ATP10A: variants seen among roughly 807,000 people sequenced by gnomAD.
ATP10A encodes the protein ATPase phospholipid transporting 10A (putative), also known as phospholipid-transporting ATPase VA.
In ATP10A, 111 loss-of-function variants were observed where a neutral mutation model predicts 147.8. That is an observed-to-expected ratio of 0.75 (90% CI 0.64 to 0.88). The LOEUF (loss-of-function observed/expected upper bound fraction) is 0.88. Ranked by LOEUF, ATP10A falls within the 40% of genes least tolerant of loss-of-function variation. The pLI is 0.00. For missense variants in ATP10A, 1,927 were observed against 1,959.0 expected (o/e 0.98, Z 0.31); for synonymous variants, 875 against 841.6 (o/e 1.04, Z -0.69).
At chr15:25,844,927 A>C (rs551918127) in intron 1 of ATP10A, among the ~76,000 whole-genome samples, 1 of 152,312 alleles carries the variant, frequency 6.6e-6, no homozygotes, top group African/African-American at 2.4e-5. Context: ...ATCCCCAGTC[A>C]CTGTGTGCTT....
At chr15:25,810,885 G>A (rs1024553589) in intron 1 of ATP10A, among the ~76,000 whole-genome samples, 4 of 152,118 alleles carry the variant, frequency 2.6e-5, no homozygotes, top group Admixed American at 1.3e-4. Flanking sequence ...GAGGGCAGCC[G>A]AGATCCTCAG....
intron 1 of ATP10A, among the ~76,000 whole-genome samples, chr15:25,809,597 C>G (rs535553318): frequency 3.4e-4 from 51 of 152,154 alleles, no homozygotes; most frequent in African/African-American, 1.2e-3. Context: ...TGCTTTAAAC[C>G]CTTCGTTTTT....
At position 25,862,879 on chromosome 15, in the gene ATP10A, G is replaced by C; in HGVS notation, c.218C>G (p.Ser73Cys). The C allele has an allele frequency of 6.2e-7, 1 of 1,612,104 alleles. No homozygotes were observed. The highest frequency in any genetic ancestry group is 8.5e-7 in the Non-Finnish European group (1 of 1,179,304). Residue 73 changes from serine to cysteine, a missense_variant, in exon 1 of 21, where the codon TCC becomes TGC. Ser to Cys is a moderately radical substitution (Grantham distance 112). Transcript: ENST00000555815. ...RLKTTKYTLL[S>C]FLPKNLFEQF... ...CTCGAACAGGTTCTTGGGCAGGAAGGACAGCAGCGTGTACTTGGTAGTCTT... is the reference window on the plus strand; with the variant it reads ...CTCGAACAGGTTCTTGGGCAGGAAGCACAGCAGCGTGTACTTGGTAGTCTT...
Position 25,679,794 on chromosome 15 carries a change from G to T in ATP10A, c.4047C>A (p.Pro1349=). The T allele has an allele frequency of 6.2e-7, 1 of 1,612,694 alleles. No homozygotes were observed. The highest frequency in any genetic ancestry group is 8.5e-7 in the Non-Finnish European group (1 of 1,179,796). The change falls in exon 21 of 21, where the codon CCC becomes CCA. Residue 1349 remains proline, a synonymous_variant. Transcript: ENST00000555815. ...GTGTGTGCCAAGAAGGCTGGGACAGGGGCACAGAGGTCTTGACTGTCCTCC... is the reference window on the plus strand; with the variant it reads ...GTGTGTGCCAAGAAGGCTGGGACAGTGGCACAGAGGTCTTGACTGTCCTCC... ...SSGRTVKTSV[P]LSQPSWHTQQ...
intron 15 of ATP10A, among the ~76,000 whole-genome samples, 161 bp downstream of exon 15, chr15:25,691,554 C>T (rs1388839674): frequency 6.6e-6 from 1 of 152,224 alleles, no homozygotes; most frequent in Non-Finnish European, 1.5e-5. Flanking sequence ...TTACCTTCCA[C>T]TAGTGGCTTA....
chr15:25,788,102 C>T (rs1398764160), intron 1 of ATP10A, among the ~76,000 whole-genome samples: 1 of 152,214 alleles, frequency 6.6e-6, no homozygotes, highest in African/African-American at 2.4e-5. Flanking sequence ...TGAGGGGCCC[C>T]AGCCTGGCCA....
intron 1 of ATP10A, among the ~76,000 whole-genome samples, chr15:25,848,184 A>G (rs1269515380): frequency 6.6e-6 from 1 of 152,110 alleles, no homozygotes; most frequent in African/African-American, 2.4e-5. Flanking sequence ...AAAAATAAAC[A>G]TGGTATCTGT....
chr15:25,781,177 CCA>C lies in ATP10A; in HGVS notation c.494_495del (p.Val165GlyfsTer23). ...YVNRFWKEIH[V>X]GDFVRLRCNE... Reference sequence around the variant, plus strand: ...TTGCAGCGAAGACGCACAAAGTCTCCCACGTGGATTTCTTTCCAGAATCGGTT... The same window carrying C: ...TTGCAGCGAAGACGCACAAAGTCTCCCGTGGATTTCTTTCCAGAATCGGTT... On this transcript the variant is annotated frameshift_variant, in exon 2 of 21. Coordinates refer to ENST00000555815, the MANE Select transcript of ATP10A (RefSeq NM_024490.4). LOFTEE classifies it high-confidence loss of function. 1 of 1,614,166 alleles carries C rather than the reference CCA, an allele frequency of 6.2e-7. No homozygotes were observed. The highest frequency in any genetic ancestry group is 8.5e-7 in the Non-Finnish European group (1 of 1,180,034).
rs773003929 is a variant in ATP10A at position 25,713,711 on chromosome 15, G to A, written c.2307C>T (p.Asp769=). The change falls in exon 10 of 21, where the codon GAC becomes GAT. Residue 769 remains aspartate (D), a synonymous_variant. Coordinates refer to ENST00000555815, the MANE Select transcript of ATP10A (RefSeq NM_024490.4). ...DEINVYTKGA[D]SVVMDLLQPC... Reference sequence around the variant, plus strand: ...GCTGCAGGAGATCCATGACCACTGAGTCGGCCCCCTTGGTGTAGACGTTGA... The same window carrying A: ...GCTGCAGGAGATCCATGACCACTGAATCGGCCCCCTTGGTGTAGACGTTGA... The A allele has an allele frequency of 1.9e-6, 3 of 1,614,150 alleles. No individual in the cohort carries two copies. Among genetic ancestry groups the A allele is most frequent in the Admixed American group, 1.7e-5 (1 of 60,020 alleles).
At position 25,714,087 on chromosome 15, in the gene ATP10A, G is replaced by A. The variant is rs754719485; in HGVS notation, c.1931C>T (p.Thr644Ile). The stretch of plus-strand genomic sequence containing the variant: ...GAGAAGCATGCCGTCGCTGGACGGG[G>A]TGGACGGGAAGCTGGAGCCCAACTT... ...SHKLGSSFPS[T>I]PSSDGMLLRL... Residue 644 changes from threonine (T) to isoleucine (I), a missense_variant, in exon 10 of 21, where the codon ACC becomes ATC. Transcript: ENST00000555815. 2.6e-5 allele frequency: 42 copies of A among 1,613,230 alleles called. No individual in the cohort carries two copies. The highest frequency in any genetic ancestry group is 3.4e-5 in the Non-Finnish European group (40 of 1,180,042).
chr15:25,774,050 T>A (rs1048863364), intron 2 of ATP10A, among the ~76,000 whole-genome samples: 10 of 151,662 alleles, frequency 6.6e-5, no homozygotes, highest in South Asian at 2.1e-4. Context: ...TTTTTTTTTT[T>A]AAACAGTGAA....
intron 17 of ATP10A, among the ~76,000 whole-genome samples, chr15:25,682,083 A>G (rs1899451524): frequency 6.7e-6 from 1 of 149,258 alleles, no homozygotes; most frequent in African/African-American, 2.5e-5. Context: ...AAAAGATGAA[A>G]CTGCTTTCTG....
At chr15:25,690,906 C>T (rs554853172) in intron 15 of ATP10A, among the ~76,000 whole-genome samples, 10 of 152,090 alleles carry the variant, frequency 6.6e-5, no homozygotes, top group East Asian at 1.9e-4. Flanking sequence ...CCAGCCGTGA[C>T]GGAACTACTG....
intron 2 of ATP10A, among the ~76,000 whole-genome samples, chr15:25,760,388 T>G (rs1222472201): frequency 6.6e-6 from 1 of 152,242 alleles, no homozygotes; most frequent in East Asian, 1.9e-4. Context: ...CTATCAGTCA[T>G]AATTATGGTT....
intron 14 of ATP10A, 152 bp from the exon 15 acceptor site, chr15:25,691,943 C>G (rs557389823): frequency 1.2e-6 from 1 of 845,310 alleles, no homozygotes; most frequent in Non-Finnish European, 2.0e-6. Flanking sequence ...AGCATCCACC[C>G]TGGGAGAATA....
chr15:25,705,329 A>C (rs1900912272), intron 12 of ATP10A, among the ~76,000 whole-genome samples: 1 of 151,642 alleles, frequency 6.6e-6, no homozygotes, highest in Non-Finnish European at 1.5e-5. Flanking sequence ...CCAGCTACTC[A>C]GGAGGCTGAG....
intron 1 of ATP10A, among the ~76,000 whole-genome samples, chr15:25,855,541 AACACACACACACACAC>A (rs59597825): frequency 6.8e-6 from 1 of 145,992 alleles, no homozygotes; most frequent in Non-Finnish European, 1.5e-5. Context: ...TATTGGTTAA[AACACACACACACACAC>A]ACACACACAC....
intron 1 of ATP10A, among the ~76,000 whole-genome samples, chr15:25,788,959 C>T (rs1038649061): frequency 1.3e-5 from 2 of 152,012 alleles, no homozygotes; most frequent in Non-Finnish European, 1.5e-5. Context: ...TGTTATTTTG[C>T]GGGGATGTTT....
At chr15:25,762,970 A>G (rs1284406444) in intron 2 of ATP10A, among the ~76,000 whole-genome samples, 1 of 152,232 alleles carries the variant, frequency 6.6e-6, no homozygotes, top group Non-Finnish European at 1.5e-5. Context: ...TTCAACCGAT[A>G]ATTAACAATG....
Sources: gnomAD v4.1 joint callset for allele counts (sites outside exome capture counted in the v4.1 genomes callset) on GRCh38, gnomAD v4.1.1 for gene constraint, MANE v1.5 for transcripts, NCBI Gene and HGNC (gene_info 2026-07-23, HGNC 2026-07-21) for gene names.